RNF150: variants seen among roughly 807,000 people sequenced by gnomAD.
RNF150 encodes ring finger protein 150.
RNF150 carries 24 observed loss-of-function variants against 39.3 expected under a neutral mutation model. That is an observed-to-expected ratio of 0.61 (90% CI 0.44 to 0.86). The LOEUF is 0.86. Ranked by LOEUF, RNF150 falls within the 40% of genes least tolerant of loss-of-function variation. RNF150 has a pLI of 0.00. For synonymous variants in RNF150, 255 were observed against 227.3 expected, an observed-to-expected ratio of 1.12 and a Z score of -1.10; for missense variants, 502 against 587.8, an observed-to-expected ratio of 0.85 and a Z score of 1.51.
chr4:141,202,915 C>T (rs1171413129), intron 1 of RNF150, among the ~76,000 whole-genome samples: 1 of 151,582 alleles, frequency 6.6e-6, no homozygotes, highest in Non-Finnish European at 1.5e-5. Context: ...GGCAATAAAT[C>T]CTTAAGAGTA....
intron 1 of RNF150, chr4:141,053,644 C>T: frequency 8.1e-7 from 1 of 1,239,666 alleles, no homozygotes. Flanking sequence ...GTGAAGCGTG[C>T]ATTTTAGAGG....
chr4:140,899,563 T>A (rs3733481), intron 6 of RNF150, among the ~76,000 whole-genome samples: 90,030 of 151,778 alleles, frequency 0.59, 26,996 homozygotes, highest in East Asian at 0.84. Context: ...TGTGTGCATG[T>A]GTGTATGCAT....
chr4:141,159,542 T>G (rs1163133683), intron 1 of RNF150, among the ~76,000 whole-genome samples: 1 of 151,878 alleles, frequency 6.6e-6, no homozygotes, highest in Admixed American at 6.6e-5. Flanking sequence ...GTTTTTGTTG[T>G]TTTTTGTTTT....
intron 1 of RNF150, among the ~76,000 whole-genome samples, chr4:140,984,461 A>C (rs1354799872): frequency 2.0e-5 from 3 of 152,124 alleles, no homozygotes; most frequent in Non-Finnish European, 4.4e-5. Flanking sequence ...CATTTTAGGA[A>C]GATCTCAAGT....
At chr4:140,959,681 G>A (rs778370128) in intron 2 of RNF150, among the ~76,000 whole-genome samples, 8 of 152,282 alleles carry the variant, frequency 5.3e-5, no homozygotes, top group Non-Finnish European at 8.8e-5. Flanking sequence ...TCCACATGGC[G>A]TGTGAGGCTG....
chr4:141,137,036 G>A (rs1230755055), upstream of RNF150, among the ~76,000 whole-genome samples: 2 of 152,160 alleles, frequency 1.3e-5, no homozygotes, highest in Admixed American at 6.5e-5. Context: ...AAGTGTATGA[G>A]TACAAGTACA....
At chr4:140,889,502 G>C (rs28497210) in intron 6 of RNF150, among the ~76,000 whole-genome samples, 1 of 152,048 alleles carries the variant, frequency 6.6e-6, no homozygotes, top group Admixed American at 6.5e-5. Flanking sequence ...TGATTCAAAA[G>C]TTTGCAATCC....
intron 1 of RNF150, among the ~76,000 whole-genome samples, chr4:141,004,384 G>A (rs918335818): frequency 1.3e-5 from 2 of 152,220 alleles, no homozygotes; most frequent in African/African-American, 4.8e-5. Flanking sequence ...TGACACTAAA[G>A]CTGAGCTCAG....
intron 1 of RNF150, among the ~76,000 whole-genome samples, chr4:141,118,605 C>T (rs1726508910): frequency 1.3e-5 from 2 of 152,296 alleles, no homozygotes; most frequent in Admixed American, 6.5e-5. Flanking sequence ...TCCTTTTAAG[C>T]AATATGGTGG....
intron 1 of RNF150, among the ~76,000 whole-genome samples, chr4:140,987,354 C>A (rs184207328): frequency 6.6e-6 from 1 of 151,910 alleles, no homozygotes; most frequent in Non-Finnish European, 1.5e-5. Context: ...TCACATTACA[C>A]GACTTCAAGC....
intron 1 of RNF150, among the ~76,000 whole-genome samples, chr4:141,210,780 T>A (rs996303266): frequency 1.3e-5 from 2 of 151,776 alleles, no homozygotes; most frequent in Admixed American, 1.3e-4. Context: ...AACTCCAATT[T>A]TATTCTGGCT....
intron 4 of RNF150, among the ~76,000 whole-genome samples, chr4:140,944,349 C>T (rs1291730687): frequency 6.6e-6 from 1 of 152,034 alleles, no homozygotes; most frequent in Non-Finnish European, 1.5e-5. Context: ...GAAGTTAGAC[C>T]TGTCTGAGGC....
chr4:140,890,159 A>G lies in RNF150; in HGVS notation c.1198+20985T>C, dbSNP rs184156549. ...ATGTGTGCAGGTAACAAAAAAATCA[A>G]TGTACAAGTTACATAATGTTTTGTG... On this transcript the variant is annotated intron_variant, in intron 6 of 6. Transcript: ENST00000515673. Among the ~76,000 whole-genome samples the G allele has an allele frequency of 1.9e-3, 291 of 152,310 alleles. 3 individuals carry two copies. Among genetic ancestry groups the G allele is most frequent in the Non-Finnish European group, 3.8e-4 (26 of 68,028 alleles).
chr4:140,921,215 C>T lies in RNF150; in HGVS notation c.987+4762G>A, dbSNP rs561462564. Among the ~76,000 whole-genome samples the T allele has an allele frequency of 1.3e-3, 203 of 150,762 alleles. 3 individuals carry two copies. Among genetic ancestry groups the T allele is most frequent in the African/African-American group, 4.2e-3 (173 of 41,018 alleles). ...AATAATAATAATATAATTGATAGACCGCTAGCAAGACTAATAAAGAAGAAA... is the reference window on the plus strand; with the variant it reads ...AATAATAATAATATAATTGATAGACTGCTAGCAAGACTAATAAAGAAGAAA... On this transcript the variant is annotated intron_variant, in intron 5 of 6. Coordinates refer to ENST00000515673, the MANE Select transcript of RNF150 (RefSeq NM_020724.2).
At position 141,139,253 on chromosome 4, in the gene RNF150, A is replaced by G. The variant is rs1284508957; in HGVS notation, c.-6+73541T>C. Among the ~76,000 whole-genome samples the G allele has an allele frequency of 5.3e-5, 8 of 152,220 alleles. No homozygotes were observed. The East Asian group carries it at 9.6e-4, about 18-fold the overall frequency. On this transcript the variant is annotated intron_variant, in intron 1 of 7. Transcript: ENST00000420921. Reference sequence around the variant, plus strand: ...AAGTAGGGTATTCATTTATGTTTATATGGTTGCCATCTCTGTGTTAGGCCC... The same window carrying G: ...AAGTAGGGTATTCATTTATGTTTATGTGGTTGCCATCTCTGTGTTAGGCCC...
chr4:141,039,482 T>C (rs1380606013), intron 1 of RNF150, among the ~76,000 whole-genome samples: 2 of 151,914 alleles, frequency 1.3e-5, no homozygotes, highest in African/African-American at 2.4e-5. Flanking sequence ...AGGGAGTGCA[T>C]AGATTCATTT....
chr4:141,155,425 C>A (rs2111148140), intron 1 of RNF150, among the ~76,000 whole-genome samples: 1 of 152,122 alleles, frequency 6.6e-6, no homozygotes, highest in South Asian at 2.1e-4. Context: ...AAAAGAGTTG[C>A]AGCCTGCAAG....
intron 1 of RNF150, among the ~76,000 whole-genome samples, chr4:141,153,798 A>T (rs1727339482): frequency 6.6e-6 from 1 of 152,126 alleles, no homozygotes. Flanking sequence ...CCTGTCTTTG[A>T]AACTTTTTCT....
chr4:141,109,085 A>G (rs1167956674), intron 1 of RNF150, among the ~76,000 whole-genome samples: 2 of 152,242 alleles, frequency 1.3e-5, no homozygotes, highest in Non-Finnish European at 2.9e-5. Flanking sequence ...TGAGAGATAC[A>G]TTAGCGGTCA....
Sources: allele counts gnomAD v4.1 joint callset (sites outside exome capture counted in the v4.1 genomes callset), GRCh38; gene constraint gnomAD v4.1.1; transcripts MANE v1.5; gene names NCBI Gene and HGNC (gene_info 2026-07-23, HGNC 2026-07-21).